The following NR1H3 variants were observed in gnomAD, a reference collection of about 807,000 sequenced individuals.
NR1H3 encodes nuclear receptor subfamily 1 group H member 3, also known as oxysterols receptor LXR-alpha.
In NR1H3, 19 loss-of-function variants were observed where a neutral mutation model predicts 48.1. The observed-to-expected ratio is 0.40, with a 90% CI of 0.28 to 0.58. The LOEUF is 0.58. Among genes scored for constraint, NR1H3 ranks in the 20% least tolerant of loss-of-function variants. The probability of loss-of-function intolerance (pLI) is 0.50; values close to 1 mark genes in which losing one functional copy is unlikely to be tolerated. For synonymous variants in NR1H3, 232 were observed against 227.3 expected, an observed-to-expected ratio of 1.02 and a Z score of -0.19; for missense variants, 486 against 595.9, an observed-to-expected ratio of 0.82 and a Z score of 1.92.
At chr11:47,250,897 C>T (rs1483124237) in intron 1 of NR1H3, among the ~76,000 whole-genome samples, 3 of 152,234 alleles carry the variant, frequency 2.0e-5, no homozygotes, top group Admixed American at 6.5e-5. Context: ...TGCGTGCTCA[C>T]GCCTGTAATC....
intron 1 of NR1H3, among the ~76,000 whole-genome samples, chr11:47,250,941 C>T (rs573439947): frequency 1.4e-3 from 209 of 151,978 alleles, no homozygotes; most frequent in African/African-American, 4.7e-3. Context: ...GGGTGGATCA[C>T]GAGGTCAGGA....
chr11:47,259,919 C>A lies in NR1H3; in HGVS notation c.172C>A (p.Leu58Met). 1 of 1,607,486 alleles carries A rather than the reference C, an allele frequency of 6.2e-7. No homozygotes were observed. Among genetic ancestry groups the A allele is most frequent in the Non-Finnish European group, 8.5e-7 (1 of 1,177,004 alleles). ...TGCTGGGGGTACTGCAGGGGTGGGG[C>A]TGGAGGCTGCAGAGCCCACAGCCCT... is the stretch of plus-strand genomic sequence containing the variant. ...HSAGGTAGVG[L>M]EAAEPTALLT... is the part of the protein sequence containing the mutation. The change falls in exon 3 of 10, where the codon CTG becomes ATG. Residue 58 changes from leucine to methionine, a missense_variant. Physicochemically the swap from Leu to Met is conservative, Grantham distance 15. Transcript: ENST00000441012.
At chr11:47,255,313 T>A (rs1201646948), upstream of NR1H3, among the ~76,000 whole-genome samples, 1 of 152,232 alleles carries the variant, frequency 6.6e-6, no homozygotes, top group Non-Finnish European at 1.5e-5. Context: ...CTCTGTCAAA[T>A]GGAGCTCGGG....
chr11:47,255,621 C>G (rs1955079510), upstream of NR1H3, among the ~76,000 whole-genome samples: 1 of 105,506 alleles, frequency 9.5e-6, no homozygotes, highest in Non-Finnish European at 1.9e-5. Context: ...CTCTCTCTTT[C>G]TTTCTTTCTT....
chr11:47,252,958 TC>T (rs1954782697), intron 1 of NR1H3, among the ~76,000 whole-genome samples: 2 of 133,736 alleles, frequency 1.5e-5, no homozygotes, highest in Non-Finnish European at 3.1e-5. Flanking sequence ...AAACTTGTAT[TC>T]TTTTTTTTTT....
At chr11:47,256,959 T>C (rs1015110842), upstream of NR1H3, among the ~76,000 whole-genome samples, 1 of 152,080 alleles carries the variant, frequency 6.6e-6, no homozygotes. Context: ...CTCGATCTCC[T>C]GACCTCGTGA....
intron 7 of NR1H3, among the ~76,000 whole-genome samples, chr11:47,264,117 T>C (rs972295229): frequency 1.3e-5 from 2 of 152,200 alleles, no homozygotes; most frequent in Admixed American, 6.5e-5. Flanking sequence ...CTATTGATAA[T>C]GTTTGTATCA....
rs371280420 is a variant in NR1H3, at chr11:47,261,359, C to G, written c.618C>G (p.Leu206=). 8 of 1,614,018 alleles carry G rather than the reference C, an allele frequency of 5.0e-6. No individual in the cohort carries two copies. The highest frequency in any genetic ancestry group is 6.8e-6 in the Non-Finnish European group (8 of 1,180,028). The change falls in exon 5 of 10, where the codon CTC becomes CTG. Residue 206 remains leucine, a synonymous_variant. Coordinates refer to ENST00000441012, the MANE Select transcript of NR1H3 (RefSeq NM_005693.4). ...CACCCCCCCAAATCCTGCCCCAGCT[C>G]AGCCCGGAACAACTGGGCATGATCG... The part of the protein sequence containing the change: ...ASSPPQILPQ[L]SPEQLGMIEK...
chr11:47,253,129 T>TTGTGTGTGTGTGTGTGTG (rs1565175278), upstream of NR1H3, among the ~76,000 whole-genome samples: 2 of 68,870 alleles, frequency 2.9e-5, no homozygotes, highest in African/African-American at 1.8e-4. Context: ...TGGCTAATTT[T>TTGTGTGTGTGTGTGTGTG]TGTGCGTGTG....
chr11:47,261,177 C>T, intron 4 of NR1H3, 64 bp from the exon 5 acceptor site: 1 of 1,157,714 alleles, frequency 8.6e-7, no homozygotes, highest in Non-Finnish European at 1.2e-6. Context: ...CCTGTCTTTC[C>T]CCCACCCCCT....
At chr11:47,263,520 C>T (rs901019096) in intron 7 of NR1H3, among the ~76,000 whole-genome samples, 1 of 151,772 alleles carries the variant, frequency 6.6e-6, no homozygotes, top group Non-Finnish European at 1.5e-5. Flanking sequence ...AAGTGATCCA[C>T]CCACCTCGGC....
intron 7 of NR1H3, among the ~76,000 whole-genome samples, chr11:47,267,192 A>AG (rs1956583394): frequency 6.6e-6 from 1 of 152,054 alleles, no homozygotes; most frequent in South Asian, 2.1e-4. Flanking sequence ...CTGTAGTCCC[A>AG]GCTACTAGGG....
intron 7 of NR1H3, among the ~76,000 whole-genome samples, chr11:47,263,424 A>G (rs1956126670): frequency 6.6e-6 from 1 of 151,426 alleles, no homozygotes; most frequent in South Asian, 2.1e-4. Context: ...CCACCATGCC[A>G]GGCTAATTTT....
chr11:47,259,183 A>G lies in NR1H3; in HGVS notation c.-34A>G. On this transcript the variant is annotated 5_prime_UTR_variant, in exon 2 of 10. Transcript: ENST00000441012. ...ATAATCTGGGTCCTTCCTGCAGGACAGTGCCTTGGTAATGACCAGGGCTCC... is the reference window on the plus strand; with the variant it reads ...ATAATCTGGGTCCTTCCTGCAGGACGGTGCCTTGGTAATGACCAGGGCTCC... The G allele has an allele frequency of 6.2e-7, 1 of 1,614,182 alleles. No homozygotes were observed.
chr11:47,254,592 G>A (rs1203887725), upstream of NR1H3, among the ~76,000 whole-genome samples: 4 of 152,134 alleles, frequency 2.6e-5, no homozygotes, highest in African/African-American at 9.7e-5. Context: ...GGGAGGGGAC[G>A]ACCTTGTGAT....
Position 47,261,425 on chromosome 11 carries a change from C to A in NR1H3, c.684C>A (p.Ser228=), listed in dbSNP as rs199648615. The A allele has an allele frequency of 1.9e-6, 3 of 1,614,178 alleles. No homozygotes were observed. The East Asian group carries it at 6.7e-5, about 36-fold the overall frequency. Residue 228 remains serine, a synonymous_variant, in exon 5 of 10, where the codon TCC becomes TCA. Transcript: ENST00000441012. ...VAAQQQCNRR[S]FSDRLRVTPW... ...CCCAGCAACAGTGTAACCGGCGCTC[C>A]TTTTCTGACCGGCTTCGAGTCACGG...
chr11:47,248,638 G>A (rs773468892), upstream of NR1H3: 1 of 1,585,018 alleles, frequency 6.3e-7, no homozygotes, highest in Non-Finnish European at 8.6e-7. Flanking sequence ...TGCCCTTTTA[G>A]CTTCAGGGAA....
At chr11:47,255,046 A>T (rs533975548), upstream of NR1H3, among the ~76,000 whole-genome samples, 2 of 152,336 alleles carry the variant, frequency 1.3e-5, no homozygotes, top group South Asian at 4.1e-4. Context: ...CAGGGGGTGA[A>T]TGACCAGCAG....
chr11:47,262,055 G>A (rs764223065), intron 7 of NR1H3, 37 bp downstream of exon 7: 12 of 1,418,340 alleles, frequency 8.5e-6, no homozygotes, highest in South Asian at 6.1e-5. Context: ...GGGGTTGGGT[G>A]GACAGATGCT....
Sources: gnomAD v4.1 joint callset for allele counts (sites outside exome capture counted in the v4.1 genomes callset) on GRCh38, gnomAD v4.1.1 for gene constraint, MANE v1.5 for transcripts, NCBI Gene and HGNC (gene_info 2026-07-23, HGNC 2026-07-21) for gene names.